Variants in WDR90 observed in about 807,000 individuals in gnomAD.
WDR90 encodes WD repeat domain 90, also known as WD repeat-containing protein 90.
Under a neutral mutation model 195.2 loss-of-function variants are expected in WDR90, and 238 were observed. That is an observed-to-expected ratio of 1.22 (90% CI 1.10 to 1.36). The LOEUF (loss-of-function observed/expected upper bound fraction) is 1.36, where lower values mean the gene tolerates loss of function less well. WDR90 is among the 40% of genes most tolerant of loss of function. The pLI is 0.00. For synonymous variants in WDR90, 1,265 were observed against 1,052.4 expected (o/e 1.20, Z -3.91); for missense variants, 2,734 against 2,439.5 (o/e 1.12, Z -2.54).
intron 34 of WDR90, chr16:663,106 T>TTATG (rs953341061): frequency 1.6e-6 from 1 of 627,432 alleles, no homozygotes; most frequent in Non-Finnish European, 2.9e-6. Flanking sequence ...CTTTGCGTTT[T>TTATG]TTTGTTTGTT....
At chr16:666,425 C>T (rs1200797695) in intron 37 of WDR90, 30 bp from the exon 38 acceptor site, 1 of 1,608,074 alleles carries the variant, frequency 6.2e-7, no homozygotes, top group Non-Finnish European at 8.5e-7. Flanking sequence ...GCAGAAGGCA[C>T]CTGTCGGCCC....
rs1385479719 is a variant in WDR90 at position 650,028 on chromosome 16, GC to G, written c.141del (p.Ser48GlnfsTer20). 1 of 1,612,798 alleles carries G rather than the reference GC, an allele frequency of 6.2e-7. No homozygotes were observed. The highest frequency in any genetic ancestry group is 1.7e-5 in the Admixed American group (1 of 60,036). On this transcript the variant is annotated frameshift_variant, in exon 3 of 41. Coordinates refer to ENST00000293879, the MANE Select transcript of WDR90 (RefSeq NM_145294.5). LOFTEE classifies it high-confidence loss of function. ...AAGGGCGCCGTGTATCGCATTCGGGGCTCAGTCTCTGCCGCCAACTACATCC... is the reference window on the plus strand; with the variant it reads ...AAGGGCGCCGTGTATCGCATTCGGGGTCAGTCTCTGCCGCCAACTACATCC... ...TLKGAVYRIR[G>X]SVSAANYIQL...
intron 34 of WDR90, chr16:663,301 C>T (rs535429422): frequency 1.2e-4 from 42 of 338,624 alleles, no homozygotes; most frequent in African/African-American, 7.5e-4. Context: ...AGCCGGGCCT[C>T]TTGATGTATA....
At chr16:663,693 C>T (rs1198140384) in intron 34 of WDR90, 3 of 101,232 alleles carry the variant, frequency 3.0e-5, no homozygotes, top group African/African-American at 2.1e-4. Context: ...GTACACAGCA[C>T]TCATCTCTCT....
chr16:653,189 CTCTT>C (rs2037680241), intron 10 of WDR90, 148 bp from the exon 11 acceptor site: 1 of 613,696 alleles, frequency 1.6e-6, no homozygotes. Context: ...TGTGTGTTCT[CTCTT>C]GCCCCTGGGT....
Position 650,077 on chromosome 16 carries a change from G to C in WDR90, c.189G>C (p.Gln63His). 6.2e-7 allele frequency: 1 copy of C among 1,613,032 alleles called. No homozygotes were observed. ...TCCAGCTCCCTAAGAGCAGCACCCA[G>C]TCTCTGGGGCTGACGGGACGATACC... ...NYIQLPKSST[Q>H]SLGLTGRYLY... is the part of the protein sequence containing the mutation. Residue 63 changes from glutamine to histidine, a missense_variant, in exon 3 of 41, where the codon CAG becomes CAC. By Grantham distance (24) the Gln-to-His change is conservative (BLOSUM62 0). Coordinates refer to ENST00000293879, the MANE Select transcript of WDR90 (RefSeq NM_145294.5).
chr16:659,068 T>C lies in WDR90; in HGVS notation c.3012-18T>C, dbSNP rs1454553574. The C allele has an allele frequency of 1.9e-6, 3 of 1,612,914 alleles. No homozygotes were observed. The highest frequency in any genetic ancestry group is 2.5e-6 in the Non-Finnish European group (3 of 1,179,864). On this transcript the variant is annotated intron_variant, in intron 24 of 40. Transcript: ENST00000293879. ...GGCCCCCCAGGCCCTCCTGAAACCCTCTCTCCTCCCTCTCCAGCGACCAAA... is the reference window on the plus strand; with the variant it reads ...GGCCCCCCAGGCCCTCCTGAAACCCCCTCTCCTCCCTCTCCAGCGACCAAA...
At position 667,773 on chromosome 16, in the gene WDR90, T is replaced by A; in HGVS notation, c.*184T>A. ...GTGAATACTTTCATACCTGTTGCCC[T>A]TTTGCCTAAGAAATCTTTAATGTTT... On this transcript the variant is annotated 3_prime_UTR_variant, in exon 41 of 41. Coordinates refer to ENST00000293879, the MANE Select transcript of WDR90 (RefSeq NM_145294.5). The A allele has an allele frequency of 1.3e-6, 1 of 798,620 alleles. No individual in the cohort carries two copies. Among genetic ancestry groups the A allele is most frequent in the East Asian group, 2.7e-5 (1 of 36,932 alleles). The allele number at this position is 798,620 out of a possible 1,614,324, so 49.5% of individuals were successfully genotyped here. A position where few individuals can be genotyped will look rare whatever the true frequency, so the allele number is the denominator to read the frequency against.
In WDR90 at chr16:651,284, G is replaced by T. The variant is rs752279432; in HGVS notation, c.736+18G>T. ...TGAGGCAGGTGGGTCTGGGGGGTCAGCGGGGACCCAGGTTAAGGCCTGTAG... is the reference window on the plus strand; with the variant it reads ...TGAGGCAGGTGGGTCTGGGGGGTCATCGGGGACCCAGGTTAAGGCCTGTAG... On this transcript the variant is annotated intron_variant, in intron 7 of 40. Transcript: ENST00000293879. 1 of 1,612,608 alleles carries T rather than the reference G, an allele frequency of 6.2e-7. No individual in the cohort carries two copies.
At position 659,359 on chromosome 16, in the gene WDR90, C is replaced by A; in HGVS notation, c.3167C>A (p.Pro1056His). The change falls in exon 26 of 41, where the codon CCT (proline) becomes CAT (histidine). Residue 1056 changes from proline to histidine, a missense_variant. Physicochemically the swap from Pro to His is moderately conservative, Grantham distance 77. Transcript: ENST00000293879. The part of the protein sequence containing the change: ...SPPRLGVCAR[P>H]PEGGDGARDT... ...CCACGGCTGGGCGTCTGTGCCAGGC[C>A]TCCCGAAGGTGGCGATGGTGAGCAG... is the stretch of plus-strand genomic sequence containing the variant. 1 of 1,593,340 alleles carries A rather than the reference C, an allele frequency of 6.3e-7. No individual in the cohort carries two copies. The highest frequency in any genetic ancestry group is 1.8e-5 in the Admixed American group (1 of 56,264).
rs747346567 is a variant in WDR90, at chr16:655,088, A to G, written c.1497A>G (p.Ala499=). 1.2e-6 allele frequency: 2 copies of G among 1,612,766 alleles called. No individual in the cohort carries two copies. The highest frequency in any genetic ancestry group is 3.3e-5 in the Admixed American group (2 of 60,020). ...VGLGGEVVVL[A]KAHTDFDVQA... is the part of the protein sequence containing the mutation. ...TCGGTGGCGAGGTGGTCGTTCTGGC[A>G]AAGGCGCACACTGACTTTGACGTCC... Residue 499 remains alanine, a synonymous_variant, in exon 14 of 41, where the codon GCA becomes GCG. Coordinates refer to ENST00000293879, the MANE Select transcript of WDR90 (RefSeq NM_145294.5).
In WDR90 at chr16:653,163, T is replaced by A. The variant is rs183249044; in HGVS notation, c.1123-178T>A. Among the ~76,000 whole-genome samples the A allele has an allele frequency of 4.4e-4, 67 of 152,288 alleles. 1 individual carries two copies. The East Asian group carries it at 0.012, about 28-fold the overall frequency. ...ACACATGCAGCCTGTGACTCGTGTA[T>A]GTAGTGTGTGCAGGGTGTGTGTTCT... On this transcript the variant is annotated intron_variant, in intron 10 of 40. Coordinates refer to ENST00000293879, the MANE Select transcript of WDR90 (RefSeq NM_145294.5).
chr16:658,993 T>C lies in WDR90; in HGVS notation c.2993T>C (p.Val998Ala). ...SAGDAVFLWD[V>A]LAPTESDQSF... ...GGGGACGCCGTCTTCCTCTGGGATG[T>C]CCTGGCCCCTACTGAGAGGCAAGTG... The change falls in exon 24 of 41, where the codon GTC becomes GCC. Residue 998 changes from valine to alanine, a missense_variant. Coordinates refer to ENST00000293879, the MANE Select transcript of WDR90 (RefSeq NM_145294.5). 3.7e-6 allele frequency: 6 copies of C among 1,613,014 alleles called. No homozygotes were observed. The highest frequency in any genetic ancestry group is 5.1e-6 in the Non-Finnish European group (6 of 1,179,974).
At chr16:655,501 G>C in intron 15 of WDR90, 33 bp downstream of exon 15, 2 of 1,534,872 alleles carry the variant, frequency 1.3e-6, no homozygotes, top group Non-Finnish European at 1.8e-6. Context: ...GGCCTGCCCC[G>C]GCATGGGGGC....
At position 650,166 on chromosome 16, in the gene WDR90, A is replaced by T; in HGVS notation, c.278A>T (p.Lys93Met). Residue 93 changes from lysine (K) to methionine (M), a missense_variant and splice_region_variant, in exon 3 of 41, where the codon AAG becomes ATG. Transcript: ENST00000293879. ...GTCATCCACCTCGATGTGTCCTCCA[A>T]GGTACGGAGCCCGCGGCTGGGGGCT... ...HFVIHLDVSS[K>M]DNQVIRVSFS... 6.2e-7 allele frequency: 1 copy of T among 1,612,616 alleles called. No individual in the cohort carries two copies. The highest frequency in any genetic ancestry group is 8.5e-7 in the Non-Finnish European group (1 of 1,179,714).
rs981114755 is a variant in WDR90, at chr16:667,541, CACG to C, written c.5200_5202del (p.Thr1734del). The C allele has an allele frequency of 5.6e-6, 9 of 1,611,784 alleles. No homozygotes were observed. In the African/African-American group the frequency reaches 8.0e-5, roughly 14 times the overall value. On this transcript the variant is annotated inframe_deletion, in exon 41 of 41. Transcript: ENST00000293879. ...TTACACCGTCCGCCAGGCTGCTCTT[CACG>C]GCCGCCCGCAACGAGATCCTTGTGT...
At chr16:660,995 T>TCCCCC in intron 28 of WDR90, 56 bp from the exon 29 acceptor site, 2 of 10,290 alleles carry the variant, frequency 1.9e-4, no homozygotes, top group Non-Finnish European at 3.0e-4. Context: ...CCCAGGCCCC[T>TCCCCC]CCCCGCCCCC....
rs1162511856 is a variant in WDR90 at position 667,565 on chromosome 16, T to C, written c.5223T>C (p.Leu1741=). Reference sequence around the variant, plus strand: ...TCACGGCCGCCCGCAACGAGATCCTTGTGTGGGAGGTCCCCGGCCTCTGAG... The same window carrying C: ...TCACGGCCGCCCGCAACGAGATCCTCGTGTGGGAGGTCCCCGGCCTCTGAG... ...LLFTAARNEI[L]VWEVPGL Residue 1741 remains leucine, a synonymous_variant, in exon 41 of 41, where the codon CTT becomes CTC. Coordinates refer to ENST00000293879, the MANE Select transcript of WDR90 (RefSeq NM_145294.5). 6.2e-7 allele frequency: 1 copy of C among 1,610,174 alleles called. No homozygotes were observed. Among genetic ancestry groups the C allele is most frequent in the Non-Finnish European group, 8.5e-7 (1 of 1,179,928 alleles).
Position 665,977 on chromosome 16 carries a change from C to T in WDR90, c.4462C>T (p.Pro1488Ser), listed in dbSNP as rs2038017577. 2 of 1,600,568 alleles carry T rather than the reference C, an allele frequency of 1.2e-6. No homozygotes were observed. The highest frequency in any genetic ancestry group is 1.3e-5 in the African/African-American group (1 of 74,876). Residue 1488 changes from proline (P) to serine (S), a missense_variant, in exon 36 of 41, where the codon CCG (proline) becomes TCG (serine). By Grantham distance (74) the Pro-to-Ser change is moderately conservative. Transcript: ENST00000293879. ...CTGCCTCTGCCTGGCATGGAGCCCC[C>T]CGTGCTGTGGCCGCCCTGAGCAGCA... is the stretch of plus-strand genomic sequence containing the variant. Reference protein sequence around the residue: ...QSCLCLAWSPPCCGRPEQQRL... With the variant: ...QSCLCLAWSPSCCGRPEQQRL...
Sources: allele counts gnomAD v4.1 joint callset (sites outside exome capture counted in the v4.1 genomes callset), GRCh38; gene constraint gnomAD v4.1.1; transcripts MANE v1.5; gene names NCBI Gene and HGNC (gene_info 2026-07-23, HGNC 2026-07-21).